Variants in MTFR1 observed in about 807,000 individuals in gnomAD.
MTFR1 encodes the protein chondrocyte protein with a poly-proline region.
A neutral mutation model predicts 38.8 loss-of-function variants in MTFR1; 28 were observed. That is an observed-to-expected ratio of 0.72 (90% confidence interval 0.53 to 0.99). MTFR1 has a LOEUF of 0.99. Ranked by LOEUF, MTFR1 falls within the 50% of genes least tolerant of loss-of-function variation. The pLI is 0.00. For synonymous variants in MTFR1, 145 were observed against 137.0 expected (o/e 1.06, Z -0.41); for missense variants, 358 against 395.5 (o/e 0.91, Z 0.81).
At chr8:65,730,570 T>C (rs903946008) in intron 3 of MTFR1, among the ~76,000 whole-genome samples, 3 of 152,088 alleles carry the variant, frequency 2.0e-5, no homozygotes, top group Non-Finnish European at 4.4e-5. Flanking sequence ...AAGGAAATAT[T>C]GTCTTCCGTG....
chr8:65,704,557 C>G (rs1221426203), intron 4 of MTFR1, 137 bp from the exon 5 acceptor site: 1 of 659,654 alleles, frequency 1.5e-6, no homozygotes, highest in African/African-American at 1.8e-5. Flanking sequence ...TGTTTTTGTC[C>G]TTACACGAAG....
chr8:65,772,397 G>A (rs957888995), downstream of MTFR1, among the ~76,000 whole-genome samples: 2 of 152,154 alleles, frequency 1.3e-5, no homozygotes, highest in Non-Finnish European at 2.9e-5. Context: ...ACCTCTGAAG[G>A]TTTAAACACA....
chr8:65,710,937 A>G (rs1805925564), downstream of MTFR1, among the ~76,000 whole-genome samples: 1 of 152,180 alleles, frequency 6.6e-6, no homozygotes, highest in African/African-American at 2.4e-5. Flanking sequence ...AAAGGTAACT[A>G]ACTTTCCTAT....
At chr8:65,747,940 G>A in intron 3 of MTFR1, 1 of 487,992 alleles carries the variant, frequency 2.0e-6, no homozygotes, top group East Asian at 3.3e-5. Flanking sequence ...CATGAAAGAA[G>A]TGATACTTTA....
chr8:65,703,548 C>T, intron 4 of MTFR1, among the ~76,000 whole-genome samples: 1 of 146,252 alleles, frequency 6.8e-6, no homozygotes. Context: ...ATTCTTGTAC[C>T]TCAGCCTCCC....
intron 2 of MTFR1, among the ~76,000 whole-genome samples, chr8:65,716,158 A>C (rs970569558): frequency 4.0e-5 from 6 of 151,612 alleles, no homozygotes; most frequent in African/African-American, 7.3e-5. Flanking sequence ...CAAAAAAAAA[A>C]AAAAACAAAA....
chr8:65,681,148 A>G (rs1048946455), intron 2 of MTFR1, among the ~76,000 whole-genome samples: 1 of 151,126 alleles, frequency 6.6e-6, no homozygotes, highest in African/African-American at 2.4e-5. Context: ...TCCTGACCTC[A>G]TGATCCACCC....
At chr8:65,744,523 A>G (rs1563483247) in intron 3 of MTFR1, among the ~76,000 whole-genome samples, 1 of 152,144 alleles carries the variant, frequency 6.6e-6, no homozygotes, top group African/African-American at 2.4e-5. Flanking sequence ...TAAACTCAGG[A>G]GTGATTAGAA....
chr8:65,695,684 A>T (rs1805421874), intron 4 of MTFR1, among the ~76,000 whole-genome samples: 1 of 152,062 alleles, frequency 6.6e-6, no homozygotes, highest in Non-Finnish European at 1.5e-5. Context: ...AGGAAAACAG[A>T]TTGTTTTGGC....
intron 3 of MTFR1, 31 bp downstream of exon 3, chr8:65,682,482 AT>A (rs779688106): frequency 8.8e-7 from 1 of 1,132,906 alleles, no homozygotes; most frequent in South Asian, 2.4e-5. Context: ...TAAGTATTTT[AT>A]TAATATGTAC....
At chr8:65,702,752 T>G (rs1467132423) in intron 4 of MTFR1, among the ~76,000 whole-genome samples, 1 of 152,104 alleles carries the variant, frequency 6.6e-6, no homozygotes, top group Non-Finnish European at 1.5e-5. Context: ...TGAGTTTCCC[T>G]TACCTGTGAG....
At chr8:65,670,136 C>T (rs1804528967) in intron 2 of MTFR1, 118 bp downstream of exon 2, 1 of 797,760 alleles carries the variant, frequency 1.3e-6, no homozygotes, top group African/African-American at 1.8e-5. Flanking sequence ...TGTTTATGTA[C>T]TGTTTAATTT....
chr8:65,740,171 G>C lies in MTFR1; in HGVS notation c.*48+20690G>C, dbSNP rs201585346. Among the ~76,000 whole-genome samples the C allele has an allele frequency of 1.7e-4, 26 of 150,206 alleles. No homozygotes were observed. The South Asian group carries it at 2.2e-3, about 13-fold the overall frequency. Reference sequence around the variant, plus strand: ...TGCAGAAAATCTGAGAGTTGCTTGGGGGGGTGGGGAGGGGGAATCACAAAA... The same window carrying C: ...TGCAGAAAATCTGAGAGTTGCTTGGCGGGGTGGGGAGGGGGAATCACAAAA... On this transcript the variant is annotated intron_variant, in intron 3 of 3. Transcript: ENST00000521247.
At chr8:65,675,565 C>T (rs1392767368) in intron 2 of MTFR1, among the ~76,000 whole-genome samples, 1 of 152,204 alleles carries the variant, frequency 6.6e-6, no homozygotes, top group Non-Finnish European at 1.5e-5. Flanking sequence ...CGCCACTGCA[C>T]TCCAGCCTGG....
rs1476701461 is a variant in MTFR1, at chr8:65,682,457, A to C, written c.165+6A>C. The stretch of plus-strand genomic sequence containing the variant: ...GTCCAAGAGTTCAGTTTCAGGTATT[A>C]TATTTTATATATTTTAAGTATTTTA... On this transcript the variant is annotated splice_donor_region_variant and intron_variant, in intron 3 of 7. Transcript: ENST00000262146. 1.6e-6 allele frequency: 2 copies of C among 1,277,046 alleles called. No individual in the cohort carries two copies. The highest frequency in any genetic ancestry group is 2.1e-6 in the Non-Finnish European group (2 of 962,628). The allele number at this position is 1,277,046 out of a possible 1,614,324, so 79.1% of individuals were successfully genotyped here.
downstream of MTFR1, among the ~76,000 whole-genome samples, chr8:65,774,166 T>C (rs1347679946): frequency 2.0e-5 from 3 of 152,208 alleles, no homozygotes; most frequent in African/African-American, 4.8e-5. Flanking sequence ...TTCTGCTACG[T>C]TATTGCAGAA....
chr8:65,708,341 G>C (rs1004727185), intron 7 of MTFR1: 2 of 378,378 alleles, frequency 5.3e-6, no homozygotes, highest in Admixed American at 8.2e-5. Flanking sequence ...TCTATGCAGG[G>C]TTATATTTTT....
intron 3 of MTFR1, among the ~76,000 whole-genome samples, chr8:65,684,755 A>G (rs984270409): frequency 6.6e-6 from 1 of 151,558 alleles, no homozygotes; most frequent in Non-Finnish European, 1.5e-5. Context: ...CTACAATCCC[A>G]GCACTTTGGG....
At chr8:65,710,647 A>AT, downstream of MTFR1, 1 of 152,094 alleles carries the variant, frequency 6.6e-6, no homozygotes, top group East Asian at 1.9e-4. Context: ...TTCTTTCTGC[A>AT]TTTTTCAAGT....
Sources: gnomAD v4.1 joint callset for allele counts (sites outside exome capture counted in the v4.1 genomes callset) on GRCh38, gnomAD v4.1.1 for gene constraint, MANE v1.5 for transcripts, NCBI Gene and HGNC (gene_info 2026-07-23, HGNC 2026-07-21) for gene names.